The following IL1RAPL2 variants were observed in gnomAD, a reference collection of about 807,000 sequenced individuals.
IL1RAPL2 encodes the protein interleukin 1 receptor accessory protein like 2.
A neutral mutation model predicts 44.1 loss-of-function variants in IL1RAPL2; 3 were observed. The observed-to-expected ratio is 0.07, with a 90% confidence interval of 0.03 to 0.18. IL1RAPL2 has a LOEUF of 0.18. IL1RAPL2 is among the 10% of genes least tolerant of loss of function. The probability of loss-of-function intolerance (pLI) is 1.00; values close to 1 mark genes in which losing one functional copy is unlikely to be tolerated. For synonymous variants in IL1RAPL2, 181 were observed against 178.8 expected, an observed-to-expected ratio of 1.01 and a Z score of -0.10; for missense variants, 391 against 496.4, an observed-to-expected ratio of 0.79 and a Z score of 2.02.
At chrX:104,916,176 C>G (rs1021514250) in intron 2 of IL1RAPL2, among the ~76,000 whole-genome samples, 77 of 111,742 alleles carry the variant, frequency 6.9e-4, no homozygotes, top group African/African-American at 2.3e-3. Flanking sequence ...GCCATTTTCA[C>G]GATATTGATT....
chrX:105,295,041 A>G, intron 5 of IL1RAPL2, among the ~76,000 whole-genome samples: 1 of 111,871 alleles, frequency 8.9e-6, no homozygotes, highest in East Asian at 2.8e-4. Context: ...TGAGCTCATT[A>G]TAGAGGAAGG....
chrX:105,042,584 G>A (rs867946952), intron 2 of IL1RAPL2, among the ~76,000 whole-genome samples: 1 of 103,931 alleles, frequency 9.6e-6, no homozygotes, highest in Admixed American at 1.0e-4. Context: ...AACAACAGGT[G>A]CTGGAGAGGA....
intron 3 of IL1RAPL2, among the ~76,000 whole-genome samples, chrX:105,207,538 A>T (rs1556153556): frequency 9.0e-6 from 1 of 111,095 alleles, no homozygotes; most frequent in Non-Finnish European, 1.9e-5. Flanking sequence ...AACCTCTCTC[A>T]TTGCTCCTCT....
rs1928519242 is a variant in IL1RAPL2, at chrX:104,585,328, AATATATATTATATATT to A, written c.-20+18293_-20+18308del. Reference sequence around the variant, plus strand: ...ATATTATATAATATATATTATATATAATATATATTATATATTATATATATTATATATATTATATATA... The same window carrying A: ...ATATTATATAATATATATTATATATAATATATATTATATATATTATATATA... On this transcript the variant is annotated intron_variant, in intron 1 of 10. Coordinates refer to ENST00000372582, the MANE Select transcript of IL1RAPL2 (RefSeq NM_017416.2). Among the ~76,000 whole-genome samples, 31 of 12,484 alleles carry A rather than the reference AATATATATTATATATT, an allele frequency of 2.5e-3. 1 individual carries two copies. Among genetic ancestry groups the A allele is most frequent in the Non-Finnish European group, 3.1e-3 (26 of 8,451 alleles). 10.8% of individuals were successfully genotyped at this position (12,484 alleles called of 115,157 possible).
intron 6 of IL1RAPL2, among the ~76,000 whole-genome samples, chrX:105,704,943 G>A (rs2038152871): frequency 9.0e-6 from 1 of 111,459 alleles, no homozygotes; most frequent in African/African-American, 3.3e-5. Context: ...TGCAAATTCT[G>A]TAAGAACATT....
At chrX:104,678,504 A>T (rs1930829764) in intron 2 of IL1RAPL2, among the ~76,000 whole-genome samples, 1 of 111,622 alleles carries the variant, frequency 9.0e-6, no homozygotes. Context: ...ACTGCATCTC[A>T]TCCTTCCTTT....
intron 2 of IL1RAPL2, among the ~76,000 whole-genome samples, chrX:105,190,576 T>C (rs1602999650): frequency 8.9e-6 from 1 of 111,738 alleles, no homozygotes; most frequent in Admixed American, 9.5e-5. Flanking sequence ...AAACACATAA[T>C]AAGCTAGTAT....
chrX:105,144,736 TC>T (rs1411957128), intron 2 of IL1RAPL2, among the ~76,000 whole-genome samples: 1 of 111,788 alleles, frequency 8.9e-6, no homozygotes, highest in East Asian at 2.8e-4. Flanking sequence ...AAGTCCTGCC[TC>T]CCATCCCCAA....
chrX:105,180,458 A>G (rs112006457), intron 2 of IL1RAPL2, among the ~76,000 whole-genome samples: 4 of 112,483 alleles, frequency 3.6e-5, no homozygotes, highest in African/African-American at 1.3e-4. Flanking sequence ...TATGTTGTCA[A>G]CTGTGGTTTT....
chrX:104,744,672 G>A lies in IL1RAPL2; in HGVS notation c.82+85677G>A, dbSNP rs1038682338. On this transcript the variant is annotated intron_variant, in intron 2 of 10. Transcript: ENST00000372582. ...TAAGCACCTACTCTATACTGTTAGAGCAGTGAATATAAATATATTATAGAG... is the reference window on the plus strand; with the variant it reads ...TAAGCACCTACTCTATACTGTTAGAACAGTGAATATAAATATATTATAGAG... Among the ~76,000 whole-genome samples the A allele has an allele frequency of 1.3e-4, 14 of 110,896 alleles. No individual in the cohort carries two copies. In the East Asian group the frequency reaches 4.0e-3, roughly 32 times the overall value.
chrX:105,353,268 C>G (rs1438934914), intron 5 of IL1RAPL2, among the ~76,000 whole-genome samples: 2 of 111,235 alleles, frequency 1.8e-5, no homozygotes, highest in African/African-American at 3.3e-5. Context: ...TCTGAGGGCT[C>G]TGTTCTGTTC....
intron 2 of IL1RAPL2, among the ~76,000 whole-genome samples, chrX:104,727,278 A>G (rs1931815242): frequency 9.0e-6 from 1 of 111,334 alleles, no homozygotes. Context: ...AAGTGGGCAA[A>G]GGATGTGAAC....
At chrX:104,576,005 C>T (rs1484928450) in intron 1 of IL1RAPL2, among the ~76,000 whole-genome samples, 3 of 111,905 alleles carry the variant, frequency 2.7e-5, no homozygotes, top group African/African-American at 6.5e-5. Flanking sequence ...AGTTGTGACA[C>T]AGAATTTAGA....
intron 2 of IL1RAPL2, among the ~76,000 whole-genome samples, chrX:104,730,512 G>A (rs1851455459): frequency 9.5e-6 from 1 of 105,652 alleles, no homozygotes; most frequent in Admixed American, 1.0e-4. Flanking sequence ...TGAGAATGAC[G>A]ATTTCCAATT....
intron 2 of IL1RAPL2, among the ~76,000 whole-genome samples, chrX:104,831,029 G>T (rs1206016970): frequency 1.8e-5 from 2 of 111,489 alleles, no homozygotes; most frequent in Non-Finnish European, 3.8e-5. Context: ...TATCTCTAGG[G>T]CCTTCTCATT....
chrX:104,852,977 A>C (rs1922267824), intron 2 of IL1RAPL2, among the ~76,000 whole-genome samples: 1 of 112,004 alleles, frequency 8.9e-6, no homozygotes, highest in African/African-American at 3.2e-5. Context: ...GGGTATGAGC[A>C]GGGTACAAAC....
intron 5 of IL1RAPL2, among the ~76,000 whole-genome samples, chrX:105,356,393 G>A (rs1045229193): frequency 1.8e-5 from 2 of 111,445 alleles, no homozygotes; most frequent in African/African-American, 6.5e-5. Flanking sequence ...ATCAGTCATA[G>A]ATAGTTCATA....
At chrX:104,693,075 C>A (rs1438636047) in intron 2 of IL1RAPL2, among the ~76,000 whole-genome samples, 2 of 112,187 alleles carry the variant, frequency 1.8e-5, no homozygotes, top group African/African-American at 6.5e-5. Flanking sequence ...TAGAAGCAGA[C>A]TTTGCTGGAC....
chrX:105,454,488 C>T (rs1602419855), intron 5 of IL1RAPL2, among the ~76,000 whole-genome samples: 1 of 110,799 alleles, frequency 9.0e-6, no homozygotes, highest in East Asian at 2.9e-4. Flanking sequence ...ATGACACCAA[C>T]ACTTGAGCCT....
Sources: gnomAD v4.1 joint callset for allele counts (sites outside exome capture counted in the v4.1 genomes callset) on GRCh38, gnomAD v4.1.1 for gene constraint, MANE v1.5 for transcripts, NCBI Gene and HGNC (gene_info 2026-07-23, HGNC 2026-07-21) for gene names.